Variants in ADAMTS12 observed in about 807,000 individuals in gnomAD.
ADAMTS12 encodes the protein ADAM metallopeptidase with thrombospondin type 1 motif 12.
A neutral mutation model predicts 167.8 loss-of-function variants in ADAMTS12; 118 were observed. The ratio of observed to expected loss-of-function variants is 0.70; its 90% confidence interval spans 0.61 to 0.82. The LOEUF (loss-of-function observed/expected upper bound fraction) is 0.82. Ranked by LOEUF, ADAMTS12 falls within the 40% of genes least tolerant of loss-of-function variation. The probability of loss-of-function intolerance (pLI) is 0.00; values close to 1 mark genes in which losing one functional copy is unlikely to be tolerated. For synonymous variants in ADAMTS12, 704 were observed against 716.9 expected (o/e 0.98, Z 0.29); for missense variants, 1,916 against 1,998.8 (o/e 0.96, Z 0.79).
rs189046320 is a variant in ADAMTS12 at position 33,890,219 on chromosome 5, C to T, written c.127+1511G>A. ...ACCCAGGAGAATGTGTGTCTTTGAA[C>T]GAAATCATCTCCAAATGCCCTGGGA... On this transcript the variant is annotated intron_variant, in intron 1 of 23. Coordinates refer to ENST00000504830, the MANE Select transcript of ADAMTS12 (RefSeq NM_030955.4). 2.6e-5 allele frequency among the ~76,000 whole-genome samples: 4 copies of T among 152,254 alleles called. No homozygotes were observed. The South Asian group carries it at 6.2e-4, about 24-fold the overall frequency.
intron 3 of ADAMTS12, among the ~76,000 whole-genome samples, chr5:33,719,512 T>C (rs1357438822): frequency 6.6e-6 from 1 of 152,212 alleles, no homozygotes; most frequent in Non-Finnish European, 1.5e-5. Flanking sequence ...ATTGTACACA[T>C]GATTAATCAG....
chr5:33,552,918 C>T (rs1228702674), intron 20 of ADAMTS12, among the ~76,000 whole-genome samples: 4 of 152,106 alleles, frequency 2.6e-5, no homozygotes, highest in Admixed American at 2.6e-4. Context: ...AGTAAACAGA[C>T]AATCTACAGA....
At position 33,761,176 on chromosome 5, in the gene ADAMTS12, T is replaced by C. The variant is rs562662864; in HGVS notation, c.490-9628A>G. Among the ~76,000 whole-genome samples, 200 of 152,344 alleles carry C rather than the reference T, an allele frequency of 1.3e-3. 1 individual carries two copies. Among genetic ancestry groups the C allele is most frequent in the African/African-American group, 4.7e-3 (194 of 41,574 alleles). On this transcript the variant is annotated intron_variant, in intron 2 of 23. Coordinates refer to ENST00000504830, the MANE Select transcript of ADAMTS12 (RefSeq NM_030955.4). Reference sequence around the variant, plus strand: ...TTCATATCCCAGTAGCTCACCATTTTCAAACCAGAAACCATCCTTCACCGG... The same window carrying C: ...TTCATATCCCAGTAGCTCACCATTTCCAAACCAGAAACCATCCTTCACCGG...
chr5:33,535,344 A>G (rs1393999913), intron 22 of ADAMTS12, among the ~76,000 whole-genome samples: 1 of 152,188 alleles, frequency 6.6e-6, no homozygotes, highest in Non-Finnish European at 1.5e-5. Flanking sequence ...ACCTGGCCAC[A>G]CATGACTGCT....
intron 16 of ADAMTS12, among the ~76,000 whole-genome samples, chr5:33,607,629 T>C (rs373805962): frequency 3.3e-5 from 5 of 152,248 alleles, no homozygotes; most frequent in East Asian, 1.9e-4. Flanking sequence ...ATATTGATGA[T>C]TCCTTTCCAT....
intron 3 of ADAMTS12, among the ~76,000 whole-genome samples, chr5:33,689,656 G>GA (rs1381079013): frequency 1.3e-5 from 2 of 152,068 alleles, no homozygotes; most frequent in African/African-American, 2.4e-5. Flanking sequence ...ATGGTACCAG[G>GA]AAAAAAGAAG....
intron 17 of ADAMTS12, among the ~76,000 whole-genome samples, chr5:33,591,206 G>T (rs747050665): frequency 6.6e-6 from 1 of 152,046 alleles, no homozygotes; most frequent in Non-Finnish European, 1.5e-5. Flanking sequence ...CTGAGATCAA[G>T]TAGAAGGGAT....
intron 14 of ADAMTS12, among the ~76,000 whole-genome samples, chr5:33,623,411 C>G (rs1015298126): frequency 1.3e-5 from 2 of 152,280 alleles, no homozygotes; most frequent in East Asian, 3.9e-4. Flanking sequence ...CCCCTCAGGT[C>G]GGGGAAACTC....
intron 2 of ADAMTS12, among the ~76,000 whole-genome samples, chr5:33,804,674 G>A (rs1384123104): frequency 1.3e-5 from 2 of 152,176 alleles, no homozygotes; most frequent in Non-Finnish European, 2.9e-5. Flanking sequence ...TATTTGCAAT[G>A]CAATTCACAA....
intron 9 of ADAMTS12, among the ~76,000 whole-genome samples, chr5:33,645,493 G>A (rs1267662447): frequency 1.3e-5 from 2 of 152,010 alleles, no homozygotes; most frequent in Non-Finnish European, 2.9e-5. Flanking sequence ...CTCTTCCAAC[G>A]TGGAAGTGAA....
chr5:33,577,214 T>C, intron 18 of ADAMTS12, 54 bp from the exon 19 acceptor site: 1 of 1,610,596 alleles, frequency 6.2e-7, no homozygotes, highest in African/African-American at 1.3e-5. Flanking sequence ...TTTATTCTCA[T>C]GGTTAGGTCT....
intron 3 of ADAMTS12, among the ~76,000 whole-genome samples, chr5:33,700,909 C>T (rs1361136538): frequency 6.6e-6 from 1 of 152,056 alleles, no homozygotes; most frequent in Non-Finnish European, 1.5e-5. Flanking sequence ...ACAATAATAG[C>T]TTAAACAAAA....
chr5:33,682,749 T>C (rs1742170774), intron 5 of ADAMTS12, among the ~76,000 whole-genome samples: 1 of 152,228 alleles, frequency 6.6e-6, no homozygotes, highest in South Asian at 2.1e-4. Context: ...CAGAACATCT[T>C]TAGTGACTGC....
At chr5:33,571,596 C>A (rs1164154838) in intron 19 of ADAMTS12, among the ~76,000 whole-genome samples, 2 of 151,994 alleles carry the variant, frequency 1.3e-5, no homozygotes, top group Admixed American at 6.6e-5. Flanking sequence ...CATTTCAAAG[C>A]AGCGTGTAGA....
At chr5:33,834,559 T>A (rs2111563854) in intron 2 of ADAMTS12, among the ~76,000 whole-genome samples, 1 of 152,286 alleles carries the variant, frequency 6.6e-6, no homozygotes, top group Non-Finnish European at 1.5e-5. Context: ...CTCTATGAAC[T>A]CTTAGCTTGC....
At chr5:33,683,136 C>A (rs115115182) in intron 4 of ADAMTS12, 35 bp from the exon 5 acceptor site, 5 of 1,454,404 alleles carry the variant, frequency 3.4e-6, no homozygotes, top group East Asian at 2.3e-5. Flanking sequence ...TAGCTCCACA[C>A]GAAGAGATAA....
Position 33,646,487 on chromosome 5 carries a change from T to G in ADAMTS12, c.1479+2335A>C, listed in dbSNP as rs138614942. ...CACAGAAAACTTGTCTCATTTGACT[T>G]TAACTCTAGAAGGAGTGGTCAAATG... On this transcript the variant is annotated intron_variant, in intron 9 of 23. Transcript: ENST00000504830. Among the ~76,000 whole-genome samples, 769 of 152,296 alleles carry G rather than the reference T, an allele frequency of 5.0e-3. 5 individuals are homozygous for G. Among genetic ancestry groups the G allele is most frequent in the Admixed American group, 0.012 (186 of 15,300 alleles).
intron 1 of ADAMTS12, among the ~76,000 whole-genome samples, chr5:33,886,171 T>C (rs1302954723): frequency 6.6e-6 from 1 of 152,260 alleles, no homozygotes; most frequent in Non-Finnish European, 1.5e-5. Flanking sequence ...GCCTATGCCC[T>C]AGCACCTATT....
chr5:33,837,994 G>A (rs202056072), intron 2 of ADAMTS12, among the ~76,000 whole-genome samples: 3 of 151,558 alleles, frequency 2.0e-5, no homozygotes, highest in South Asian at 2.1e-4. Flanking sequence ...TTGTGGTTCC[G>A]CTTAACAGCT....
Sources: gnomAD v4.1 joint callset for allele counts (sites outside exome capture counted in the v4.1 genomes callset) on GRCh38, gnomAD v4.1.1 for gene constraint, MANE v1.5 for transcripts, NCBI Gene and HGNC (gene_info 2026-07-23, HGNC 2026-07-21) for gene names.